LRRTM4: variants seen among roughly 807,000 people sequenced by gnomAD.
LRRTM4 encodes leucine-rich repeat transmembrane neuronal protein 4.
In LRRTM4, 25 loss-of-function variants were observed where a neutral mutation model predicts 47.6. The observed-to-expected ratio is 0.53, with a 90% confidence interval of 0.38 to 0.73. LRRTM4 has a LOEUF of 0.73. Among genes scored for constraint, LRRTM4 ranks in the 30% least tolerant of loss-of-function variants. The probability of loss-of-function intolerance (pLI) is 0.00; values close to 1 mark genes in which losing one functional copy is unlikely to be tolerated. For synonymous variants in LRRTM4, 311 were observed against 269.5 expected, an observed-to-expected ratio of 1.15 and a Z score of -1.51; for missense variants, 638 against 713.4, an observed-to-expected ratio of 0.89 and a Z score of 1.20.
chr2:76,849,626 T>C lies in LRRTM4; in HGVS notation c.1552-100710A>G, dbSNP rs115436562. 9.8e-3 allele frequency among the ~76,000 whole-genome samples: 1,498 copies of C among 152,218 alleles called. 9 individuals are homozygous for C. The highest frequency in any genetic ancestry group is 0.017 in the Non-Finnish European group (1,183 of 68,000). On this transcript the variant is annotated intron_variant, in intron 3 of 3. Transcript: ENST00000409884. The stretch of plus-strand genomic sequence containing the variant: ...AGTTTGCTTAATAAAAAAACAACTC[T>C]GCTCATCAACTGTCTCTATCAAATT...
At chr2:77,420,600 A>T (rs1380606143) in intron 3 of LRRTM4, among the ~76,000 whole-genome samples, 1 of 151,410 alleles carries the variant, frequency 6.6e-6, no homozygotes, top group Non-Finnish European at 1.5e-5. Context: ...ATGGAAATGG[A>T]AATATGACTT....
chr2:76,921,433 T>G (rs1674429592), intron 3 of LRRTM4, among the ~76,000 whole-genome samples: 1 of 152,076 alleles, frequency 6.6e-6, no homozygotes, highest in South Asian at 2.1e-4. Flanking sequence ...ATTTCTCTAC[T>G]GTGAAGTTAC....
At chr2:77,227,468 A>G (rs978375718) in intron 3 of LRRTM4, among the ~76,000 whole-genome samples, 2 of 152,056 alleles carry the variant, frequency 1.3e-5, no homozygotes, top group African/African-American at 4.8e-5. Context: ...AAGAGCAAGA[A>G]AACAGATAGG....
chr2:77,235,223 T>C (rs753995210), intron 3 of LRRTM4, among the ~76,000 whole-genome samples: 3 of 152,142 alleles, frequency 2.0e-5, no homozygotes, highest in Non-Finnish European at 2.9e-5. Context: ...TTTTTTACTA[T>C]AATAATACCC....
intron 3 of LRRTM4, among the ~76,000 whole-genome samples, chr2:76,980,253 C>T (rs1007086555): frequency 6.6e-6 from 1 of 151,912 alleles, no homozygotes; most frequent in Non-Finnish European, 1.5e-5. Flanking sequence ...CAGTTGAGTC[C>T]CTGGGGGAAG....
At chr2:76,914,098 G>T (rs968578890) in intron 3 of LRRTM4, among the ~76,000 whole-genome samples, 1 of 151,660 alleles carries the variant, frequency 6.6e-6, no homozygotes, top group Non-Finnish European at 1.5e-5. Flanking sequence ...CTTTTACTGG[G>T]ATTAGTCTTA....
chr2:77,104,072 T>A (rs1456974568), intron 3 of LRRTM4, among the ~76,000 whole-genome samples: 1 of 152,102 alleles, frequency 6.6e-6, no homozygotes, highest in South Asian at 2.1e-4. Flanking sequence ...TTTCAAACCT[T>A]CTCCTCCTAT....
At chr2:77,148,205 C>T (rs1331759490) in intron 3 of LRRTM4, among the ~76,000 whole-genome samples, 1 of 152,132 alleles carries the variant, frequency 6.6e-6, no homozygotes, top group African/African-American at 2.4e-5. Flanking sequence ...AGGTAATTAG[C>T]TTTTCCTTGG....
Position 77,113,002 on chromosome 2 carries a change from G to T in LRRTM4, c.1552-364086C>A, listed in dbSNP as rs546335132. Among the ~76,000 whole-genome samples, 12 of 152,132 alleles carry T rather than the reference G, an allele frequency of 7.9e-5. 1 individual carries two copies. Among genetic ancestry groups the T allele is most frequent in the Middle Eastern group, 3.4e-3 (1 of 294 alleles). ...TCTTGTAATTTAGCTAAAAAATCAG[G>T]GTATAATTCATTGTGACCTTGTTTA... On this transcript the variant is annotated intron_variant, in intron 3 of 3. Transcript: ENST00000409884.
chr2:76,894,508 T>C (rs1008229605), intron 3 of LRRTM4, among the ~76,000 whole-genome samples: 1 of 152,070 alleles, frequency 6.6e-6, no homozygotes. Flanking sequence ...GTTAGGTGGC[T>C]ACGATAGCCA....
intron 3 of LRRTM4, among the ~76,000 whole-genome samples, chr2:77,030,901 A>G (rs972471277): frequency 6.6e-6 from 1 of 151,960 alleles, no homozygotes; most frequent in Non-Finnish European, 1.5e-5. Flanking sequence ...AAGCTCAAAC[A>G]CTCTTCAGGT....
chr2:77,091,108 C>T (rs955592264), intron 3 of LRRTM4, among the ~76,000 whole-genome samples: 3 of 151,930 alleles, frequency 2.0e-5, no homozygotes, highest in African/African-American at 7.3e-5. Context: ...TTTAGTTATC[C>T]CCACCTGCCC....
intron 3 of LRRTM4, among the ~76,000 whole-genome samples, chr2:77,265,808 A>T (rs983531434): frequency 6.6e-6 from 1 of 152,222 alleles, no homozygotes; most frequent in African/African-American, 2.4e-5. Flanking sequence ...TGTAAAACAT[A>T]ATGAATAATA....
At chr2:77,161,436 C>T (rs1328061747) in intron 3 of LRRTM4, among the ~76,000 whole-genome samples, 1 of 152,162 alleles carries the variant, frequency 6.6e-6, no homozygotes, top group Non-Finnish European at 1.5e-5. Flanking sequence ...GCAGTATCTC[C>T]CATCCTCCTG....
At chr2:77,144,514 G>T (rs916324000) in intron 3 of LRRTM4, among the ~76,000 whole-genome samples, 2 of 152,110 alleles carry the variant, frequency 1.3e-5, no homozygotes, top group African/African-American at 4.8e-5. Flanking sequence ...GAATTACACG[G>T]AAGAAAAACA....
At chr2:77,159,528 A>G (rs1241931270) in intron 3 of LRRTM4, among the ~76,000 whole-genome samples, 2 of 151,724 alleles carry the variant, frequency 1.3e-5, no homozygotes, top group African/African-American at 2.4e-5. Flanking sequence ...TAATGGAAAA[A>G]AAAAAAAAGA....
At chr2:76,878,910 T>A (rs1472546840) in intron 3 of LRRTM4, among the ~76,000 whole-genome samples, 3 of 152,060 alleles carry the variant, frequency 2.0e-5, no homozygotes. Flanking sequence ...TTACTGCTGA[T>A]ATGAAGAAAT....
chr2:77,399,458 G>T (rs1673850992), intron 3 of LRRTM4, among the ~76,000 whole-genome samples: 1 of 151,698 alleles, frequency 6.6e-6, no homozygotes, highest in African/African-American at 2.4e-5. Flanking sequence ...GCAGAATGTT[G>T]GTTACTAGGA....
intron 3 of LRRTM4, among the ~76,000 whole-genome samples, chr2:76,800,184 A>G (rs925060401): frequency 3.4e-5 from 5 of 147,248 alleles, no homozygotes; most frequent in Non-Finnish European, 6.0e-5. Context: ...GAGGCATCAC[A>G]CTCCCTGACT....
Sources: gnomAD v4.1 joint callset for allele counts (sites outside exome capture counted in the v4.1 genomes callset) on GRCh38, gnomAD v4.1.1 for gene constraint, MANE v1.5 for transcripts, NCBI Gene and HGNC (gene_info 2026-07-23, HGNC 2026-07-21) for gene names.